SHQ1: variants seen among roughly 807,000 people sequenced by gnomAD.
The protein encoded by SHQ1 is protein SHQ1 homolog.
A neutral mutation model predicts 53.8 loss-of-function variants in SHQ1; 49 were observed. The ratio of observed to expected loss-of-function variants is 0.91; its 90% CI spans 0.72 to 1.16. The LOEUF is 1.16. Ranked by LOEUF, SHQ1 falls within the 50% of genes most tolerant of loss-of-function variation. SHQ1 has a pLI of 0.00. For synonymous variants in SHQ1, 243 were observed against 251.0 expected (o/e 0.97, Z 0.30); for missense variants, 738 against 683.1 (o/e 1.08, Z -0.90).
chr3:72,829,743 T>G (rs1707770491), intron 5 of SHQ1, among the ~76,000 whole-genome samples: 1 of 152,236 alleles, frequency 6.6e-6, no homozygotes, highest in South Asian at 2.1e-4. Flanking sequence ...CAACAAATGG[T>G]ATAAGATCAT....
At chr3:72,746,314 T>A (rs1447834601), downstream of SHQ1, among the ~76,000 whole-genome samples, 1 of 152,208 alleles carries the variant, frequency 6.6e-6, no homozygotes, top group Non-Finnish European at 1.5e-5. Flanking sequence ...TTGCCCCAAC[T>A]TATTTTTTTC....
chr3:72,819,945 G>A (rs906491579), intron 6 of SHQ1, among the ~76,000 whole-genome samples: 26 of 152,164 alleles, frequency 1.7e-4, no homozygotes, highest in African/African-American at 6.3e-4. Context: ...TTAGCAAGAA[G>A]GTTAGAGACA....
intron 8 of SHQ1, among the ~76,000 whole-genome samples, chr3:72,813,940 C>T (rs902452905): frequency 4.7e-5 from 7 of 147,842 alleles, no homozygotes; most frequent in South Asian, 4.2e-4. Flanking sequence ...GTATCTTGAA[C>T]GGTATCAAAC....
intron 10 of SHQ1, among the ~76,000 whole-genome samples, chr3:72,789,600 T>TA (rs1239306208): frequency 8.5e-5 from 13 of 152,110 alleles, no homozygotes; most frequent in African/African-American, 2.7e-4. Flanking sequence ...GTGCTACATT[T>TA]AAAACAAAAA....
intron 10 of SHQ1, among the ~76,000 whole-genome samples, chr3:72,776,241 T>C (rs1374045423): frequency 2.0e-5 from 3 of 152,236 alleles, no homozygotes; most frequent in African/African-American, 7.2e-5. Context: ...CATAACAACG[T>C]TGTGGTCAAT....
intron 4 of SHQ1, among the ~76,000 whole-genome samples, chr3:72,835,299 T>C (rs1707957307): frequency 2.0e-5 from 3 of 152,032 alleles, no homozygotes; most frequent in African/African-American, 7.2e-5. Flanking sequence ...AATGAGATAA[T>C]ACAAGTAAGG....
At chr3:72,831,358 A>C (rs1002416357) in intron 5 of SHQ1, among the ~76,000 whole-genome samples, 1 of 152,254 alleles carries the variant, frequency 6.6e-6, no homozygotes, top group Non-Finnish European at 1.5e-5. Context: ...TTAAACTGAA[A>C]TAGTGTACAT....
chr3:72,793,192 T>C, intron 9 of SHQ1, 156 bp from the exon 10 acceptor site: 2 of 583,986 alleles, frequency 3.4e-6, no homozygotes, highest in Admixed American at 3.4e-5. Context: ...CCAAACCCCT[T>C]TACTGATTTC....
At chr3:72,846,443 G>A (rs755929159) in intron 1 of SHQ1, 65 of 726,908 alleles carry the variant, frequency 8.9e-5, no homozygotes, top group Middle Eastern at 4.0e-4. Context: ...CTACAAGCGC[G>A]TGCCATCAAG....
At chr3:72,805,728 A>G (rs1052442651) in intron 9 of SHQ1, among the ~76,000 whole-genome samples, 1 of 152,200 alleles carries the variant, frequency 6.6e-6, no homozygotes, top group African/African-American at 2.4e-5. Context: ...AAGCATTTCT[A>G]TATAACTCCA....
At chr3:72,836,317 G>A (rs1480128935) in intron 4 of SHQ1, among the ~76,000 whole-genome samples, 3 of 152,098 alleles carry the variant, frequency 2.0e-5, no homozygotes, top group East Asian at 1.9e-4. Flanking sequence ...GTGAAACCCC[G>A]TCTCTACTAA....
At chr3:72,825,786 G>C (rs1575726625) in intron 5 of SHQ1, among the ~76,000 whole-genome samples, 1 of 152,136 alleles carries the variant, frequency 6.6e-6, no homozygotes, top group African/African-American at 2.4e-5. Context: ...CCTTATAGTT[G>C]TAAACTATAA....
At position 72,842,303 on chromosome 3, in the gene SHQ1, G is replaced by C. The variant is rs1168807076; in HGVS notation, c.308C>G (p.Ala103Gly). 3 of 1,613,328 alleles carry C rather than the reference G, an allele frequency of 1.9e-6. No individual in the cohort carries two copies. In the African/African-American group the frequency reaches 4.0e-5, roughly 22 times the overall value. Residue 103 changes from alanine (A) to glycine (G), a missense_variant, in exon 3 of 11, where the codon GCA becomes GGA. Physicochemically the swap from Ala to Gly is moderately conservative, Grantham distance 60. Transcript: ENST00000325599. Reference sequence around the variant, plus strand: ...ACCTATTTCTTCCACAAGTGGTTTTGCTGTCCTGGATTTTCTTGGTGCCAG... The same window carrying C: ...ACCTATTTCTTCCACAAGTGGTTTTCCTGTCCTGGATTTTCTTGGTGCCAG... ...ALLAPRKSRT[A>G]KPLVEEIGAS...
chr3:72,748,013 A>G (rs1358941873), downstream of SHQ1, among the ~76,000 whole-genome samples: 4 of 151,748 alleles, frequency 2.6e-5, no homozygotes, highest in African/African-American at 9.7e-5. Context: ...ACACACTCAC[A>G]TTAGAGAGAA....
At chr3:72,828,110 G>T (rs1707716889) in intron 5 of SHQ1, among the ~76,000 whole-genome samples, 2 of 152,064 alleles carry the variant, frequency 1.3e-5, no homozygotes, top group African/African-American at 4.8e-5. Context: ...TGCCCTCTAC[G>T]TGCATCATCA....
At chr3:72,812,528 A>G in intron 9 of SHQ1, 143 bp downstream of exon 9, 1 of 843,014 alleles carries the variant, frequency 1.2e-6, no homozygotes, top group Non-Finnish European at 1.8e-6. Context: ...ATACACAGGA[A>G]TTCTATACTT....
intron 2 of SHQ1, among the ~76,000 whole-genome samples, chr3:72,842,721 C>T (rs1405120109): frequency 2.6e-5 from 4 of 152,124 alleles, no homozygotes; most frequent in African/African-American, 9.7e-5. Flanking sequence ...TTGGTGAATA[C>T]AAGTCAAGAT....
intron 10 of SHQ1, among the ~76,000 whole-genome samples, chr3:72,751,197 G>A (rs1195368382): frequency 6.6e-6 from 1 of 152,064 alleles, no homozygotes; most frequent in African/African-American, 2.4e-5. Context: ...GATCACCTGA[G>A]GTCAGGAGTT....
chr3:72,788,408 G>A (rs1365783646), intron 10 of SHQ1, among the ~76,000 whole-genome samples: 1 of 150,852 alleles, frequency 6.6e-6, no homozygotes, highest in Non-Finnish European at 1.5e-5. Flanking sequence ...CAGCCGCCCC[G>A]TCTGAGAAGT....
Sources: gnomAD v4.1 joint callset for allele counts (sites outside exome capture counted in the v4.1 genomes callset) on GRCh38, gnomAD v4.1.1 for gene constraint, MANE v1.5 for transcripts, NCBI Gene and HGNC (gene_info 2026-07-23, HGNC 2026-07-21) for gene names.